NELL1: variants seen among roughly 807,000 people sequenced by gnomAD.
NELL1 encodes the protein neural EGFL like 1, also known as protein kinase C-binding protein NELL1.
A neutral mutation model predicts 107.4 loss-of-function variants in NELL1; 76 were observed. The observed-to-expected ratio is 0.71, with a 90% CI of 0.59 to 0.86. NELL1 has a LOEUF of 0.86. Ranked by LOEUF, NELL1 falls within the 40% of genes least tolerant of loss-of-function variation. NELL1 has a pLI of 0.00. For synonymous variants in NELL1, 353 were observed against 341.2 expected (o/e 1.03, Z -0.38); for missense variants, 1,024 against 1,005.5 (o/e 1.02, Z -0.25).
chr11:20,927,050 A>G (rs1427961627), intron 7 of NELL1: 2 of 396,794 alleles, frequency 5.0e-6, no homozygotes, highest in South Asian at 3.3e-5. Context: ...ATGAACACCC[A>G]TGAGGTTCCT....
intron 5 of NELL1, among the ~76,000 whole-genome samples, chr11:20,892,942 A>C (rs955527210): frequency 6.6e-6 from 1 of 152,156 alleles, no homozygotes; most frequent in South Asian, 2.1e-4. Flanking sequence ...AAAAAAAAAA[A>C]AAAAACAGAC....
chr11:20,927,981 T>C (rs1406470906), intron 8 of NELL1, among the ~76,000 whole-genome samples: 3 of 152,208 alleles, frequency 2.0e-5, no homozygotes, highest in African/African-American at 2.4e-5. Context: ...GGAAACCCTG[T>C]CCAGTTGAAA....
intron 15 of NELL1, among the ~76,000 whole-genome samples, chr11:21,477,529 T>G (rs2133894703): frequency 6.6e-6 from 1 of 152,220 alleles, no homozygotes; most frequent in South Asian, 2.1e-4. Flanking sequence ...TACCAAAAAC[T>G]TAGACCACAA....
intron 13 of NELL1, among the ~76,000 whole-genome samples, chr11:21,137,304 T>C (rs1045759303): frequency 3.9e-5 from 6 of 152,104 alleles, no homozygotes; most frequent in Non-Finnish European, 1.5e-5. Context: ...GAAGAAGCAG[T>C]AGTAAAAGTG....
intron 4 of NELL1, among the ~76,000 whole-genome samples, chr11:20,855,441 T>C (rs1471367460): frequency 1.3e-5 from 2 of 152,216 alleles, no homozygotes; most frequent in Non-Finnish European, 2.9e-5. Flanking sequence ...TTTTGTTGCA[T>C]ACATGAGGCC....
intron 12 of NELL1, among the ~76,000 whole-genome samples, chr11:21,084,697 T>C (rs1182506112): frequency 6.6e-6 from 1 of 152,188 alleles, no homozygotes; most frequent in Non-Finnish European, 1.5e-5. Context: ...TTGCCAGTCA[T>C]CTTACTGTGT....
chr11:21,342,481 C>T (rs779462031), intron 14 of NELL1, among the ~76,000 whole-genome samples: 1 of 149,770 alleles, frequency 6.7e-6, no homozygotes, highest in Non-Finnish European at 1.5e-5. Flanking sequence ...CACATTTCTA[C>T]ACATTATAAA....
At chr11:21,071,640 T>C (rs952531255) in intron 12 of NELL1, among the ~76,000 whole-genome samples, 7 of 152,148 alleles carry the variant, frequency 4.6e-5, no homozygotes, top group African/African-American at 1.4e-4. Flanking sequence ...AGGCCAAACT[T>C]TGAGAATAAT....
intron 13 of NELL1, among the ~76,000 whole-genome samples, chr11:21,172,253 A>G (rs1856623102): frequency 6.6e-6 from 1 of 151,870 alleles, no homozygotes; most frequent in African/African-American, 2.4e-5. Flanking sequence ...GTAATTCTGC[A>G]GGACAAAACC....
intron 2 of NELL1, among the ~76,000 whole-genome samples, chr11:20,781,442 C>T (rs965575643): frequency 2.6e-5 from 4 of 152,046 alleles, no homozygotes; most frequent in Admixed American, 2.0e-4. Context: ...GGCCATTGGC[C>T]ATGGGGTTGG....
chr11:21,119,695 T>C (rs763317285), intron 13 of NELL1, among the ~76,000 whole-genome samples: 7 of 152,112 alleles, frequency 4.6e-5, no homozygotes, highest in African/African-American at 7.2e-5. Flanking sequence ...TTAGTTGCTC[T>C]TGCTCTTTTA....
intron 15 of NELL1, among the ~76,000 whole-genome samples, chr11:21,518,121 C>T (rs117939897): frequency 0.011 from 1,530 of 133,816 alleles, 34 homozygotes; most frequent in East Asian, 0.079. Context: ...ATCTTAATTT[C>T]TTCCCCAACT....
At chr11:21,421,462 G>A (rs1852667566) in intron 15 of NELL1, among the ~76,000 whole-genome samples, 1 of 152,056 alleles carries the variant, frequency 6.6e-6, no homozygotes, top group African/African-American at 2.4e-5. Flanking sequence ...GAGCCATGCT[G>A]GGCAATAAAG....
intron 15 of NELL1, among the ~76,000 whole-genome samples, chr11:21,517,889 G>A (rs1314546342): frequency 1.3e-5 from 2 of 151,986 alleles, no homozygotes; most frequent in Non-Finnish European, 2.9e-5. Context: ...GTTTCCACTT[G>A]TTACTTGGTC....
Position 21,520,136 on chromosome 11 carries a change from A to G in NELL1, c.1646-14238A>G, listed in dbSNP as rs114842210. ...CATGATTTCTTCCGCCAATACATCC[A>G]TCTCACAATATGCCGTAGGACTGAC... On this transcript the variant is annotated intron_variant, in intron 15 of 19. Transcript: ENST00000357134. Among the ~76,000 whole-genome samples, 222 of 152,246 alleles carry G rather than the reference A, an allele frequency of 1.5e-3. 1 individual carries two copies. The highest frequency in any genetic ancestry group is 5.1e-3 in the African/African-American group (211 of 41,554).
intron 2 of NELL1, among the ~76,000 whole-genome samples, chr11:20,724,615 G>T (rs1855467708): frequency 6.6e-6 from 1 of 152,058 alleles, no homozygotes; most frequent in Non-Finnish European, 1.5e-5. Flanking sequence ...CCTCGGCCTG[G>T]ACTTCATTGT....
At chr11:21,472,828 C>A (rs1053951875) in intron 15 of NELL1, among the ~76,000 whole-genome samples, 9 of 151,880 alleles carry the variant, frequency 5.9e-5, no homozygotes, top group Admixed American at 6.6e-5. Flanking sequence ...CCTTCCCTTC[C>A]CTTCCCTTTC....
At chr11:21,338,558 C>T (rs1557461) in intron 14 of NELL1, among the ~76,000 whole-genome samples, 118,767 of 152,052 alleles carry the variant, frequency 0.78, 46,370 homozygotes, top group African/African-American at 0.79. Flanking sequence ...GTACAGATGG[C>T]GACTACTCTT....
intron 4 of NELL1, among the ~76,000 whole-genome samples, chr11:20,879,589 G>A (rs1406577575): frequency 6.6e-6 from 1 of 152,170 alleles, no homozygotes; most frequent in Non-Finnish European, 1.5e-5. Context: ...AGGTGTGTGT[G>A]TGGGTGTCAG....
Sources: gnomAD v4.1 joint callset for allele counts (sites outside exome capture counted in the v4.1 genomes callset) on GRCh38, gnomAD v4.1.1 for gene constraint, MANE v1.5 for transcripts, NCBI Gene and HGNC (gene_info 2026-07-23, HGNC 2026-07-21) for gene names.